ANKS1A: variants seen among roughly 807,000 people sequenced by gnomAD.
The protein encoded by ANKS1A is ankyrin repeat and SAM domain-containing protein 1A.
A neutral mutation model predicts 120.3 loss-of-function variants in ANKS1A; 55 were observed. The observed-to-expected ratio is 0.46, with a 90% CI of 0.37 to 0.57. The LOEUF is 0.57. Ranked by LOEUF, ANKS1A falls within the 20% of genes least tolerant of loss-of-function variation. ANKS1A has a pLI of 0.00. For missense variants in ANKS1A, 1,123 were observed against 1,480.3 expected (o/e 0.76, Z 3.96); for synonymous variants, 590 against 604.7 (o/e 0.98, Z 0.36).
intron 2 of ANKS1A, 68 bp from the exon 3 acceptor site, chr6:34,969,942 G>A: frequency 6.4e-7 from 1 of 1,561,554 alleles, no homozygotes; most frequent in South Asian, 1.2e-5. Flanking sequence ...TGCCATATAG[G>A]TGTAAAGAGC....
At chr6:35,016,289 C>T (rs1365643629) in intron 10 of ANKS1A, among the ~76,000 whole-genome samples, 1 of 152,144 alleles carries the variant, frequency 6.6e-6, no homozygotes, top group Non-Finnish European at 1.5e-5. Context: ...CCTTTTGGTT[C>T]TAAGATTCTC....
At chr6:35,059,983 A>T (rs1178814578) in intron 12 of ANKS1A, among the ~76,000 whole-genome samples, 164 bp from the exon 13 acceptor site, 1 of 152,166 alleles carries the variant, frequency 6.6e-6, no homozygotes, top group Non-Finnish European at 1.5e-5. Context: ...TGTACACAGA[A>T]GAGGAGCTGC....
intron 1 of ANKS1A, among the ~76,000 whole-genome samples, chr6:34,939,218 C>T (rs1363774211): frequency 6.6e-6 from 1 of 152,108 alleles, no homozygotes; most frequent in East Asian, 1.9e-4. Flanking sequence ...TTCTAGGAGC[C>T]CTTCCCTACA....
At chr6:34,922,188 CTTA>C (rs1768471439) in intron 1 of ANKS1A, among the ~76,000 whole-genome samples, 1 of 152,188 alleles carries the variant, frequency 6.6e-6, no homozygotes, top group Non-Finnish European at 1.5e-5. Context: ...TGCTTGTTCA[CTTA>C]TTATATTTTA....
At position 35,088,666 on chromosome 6, in the gene ANKS1A, A is replaced by G. The variant is rs2005; in HGVS notation, c.*57A>G. On this transcript the variant is annotated 3_prime_UTR_variant, in exon 24 of 24. Transcript: ENST00000360359. ...CATAGACGTGGGGGCATAGGCTCCC[A>G]CTGCCACCACCGCCATCGCCTCACC... 1,447,022 of 1,613,952 alleles carry G rather than the reference A, an allele frequency of 0.9. 650,376 individuals carry two copies. The highest frequency in any genetic ancestry group is 0.91 in the Admixed American group (54,728 of 60,020).
chr6:34,889,582 C>A lies in ANKS1A; in HGVS notation c.180C>A (p.Pro60=), dbSNP rs574085852. 1.5e-5 allele frequency: 19 copies of A among 1,299,182 alleles called. No individual in the cohort carries two copies. In the East Asian group the frequency reaches 5.5e-4, roughly 37 times the overall value. The allele number at this position is 1,299,182 out of a possible 1,614,324, so 80.5% of individuals were successfully genotyped here. Residue 60 remains proline, a synonymous_variant, in exon 1 of 24, where the codon CCC becomes CCA. Transcript: ENST00000360359. The surrounding 1 kb of genome is among the most constrained non-coding windows in gnomAD (Gnocchi z 5.5). ...GCGGCCTCGGCTCTTCCAGCCACCC[C>A]CTCTCCAGTCTGCTCAGGTGGGTAC... The part of the protein sequence containing the change: ...GGGGLGSSSH[P]LSSLLSMWRG...
chr6:35,079,789 G>C (rs1777569167), intron 15 of ANKS1A, 32 bp from the exon 16 acceptor site: 1 of 1,598,048 alleles, frequency 6.3e-7, no homozygotes, highest in African/African-American at 1.3e-5. Context: ...TTGGCCACCT[G>C]ACCTGTCACC....
chr6:34,910,392 C>G (rs1378455274), intron 1 of ANKS1A, among the ~76,000 whole-genome samples: 1 of 152,142 alleles, frequency 6.6e-6, no homozygotes, highest in Non-Finnish European at 1.5e-5. Flanking sequence ...CAGGGAGACC[C>G]TGTCTCTACA....
chr6:34,919,659 G>A (rs1029952795), intron 1 of ANKS1A, among the ~76,000 whole-genome samples: 4 of 152,154 alleles, frequency 2.6e-5, no homozygotes, highest in Non-Finnish European at 4.4e-5. Flanking sequence ...CTACTTGCTA[G>A]CAGTATGACC....
chr6:35,012,025 T>G (rs1773784692), intron 10 of ANKS1A, among the ~76,000 whole-genome samples: 1 of 152,210 alleles, frequency 6.6e-6, no homozygotes, highest in South Asian at 2.1e-4. Flanking sequence ...AAGCCTGTAC[T>G]TTTAACCATG....
chr6:34,965,258 A>T (rs1770835997), intron 1 of ANKS1A, among the ~76,000 whole-genome samples: 1 of 152,086 alleles, frequency 6.6e-6, no homozygotes, highest in Non-Finnish European at 1.5e-5. Context: ...TTGTCTTATT[A>T]CATAGCAATG....
intron 1 of ANKS1A, among the ~76,000 whole-genome samples, chr6:34,916,015 T>C: frequency 7.3e-6 from 1 of 136,264 alleles, no homozygotes; most frequent in African/African-American, 2.9e-5. Context: ...TTTTTGGAGA[T>C]GGAGTCTTGC....
chr6:35,047,714 G>A (rs1176248643), intron 11 of ANKS1A, among the ~76,000 whole-genome samples: 1 of 152,148 alleles, frequency 6.6e-6, no homozygotes, highest in Non-Finnish European at 1.5e-5. Context: ...TTGGAATCTA[G>A]GTCTCCCAAC....
intron 1 of ANKS1A, among the ~76,000 whole-genome samples, chr6:34,911,995 A>T (rs1366816465): frequency 6.6e-6 from 1 of 152,202 alleles, no homozygotes; most frequent in Non-Finnish European, 1.5e-5. Flanking sequence ...TTTCGCAATA[A>T]CACAAGTTCT....
At chr6:34,892,084 A>C (rs772096210) in intron 1 of ANKS1A, among the ~76,000 whole-genome samples, 4 of 152,344 alleles carry the variant, frequency 2.6e-5, no homozygotes, top group Non-Finnish European at 4.4e-5. Flanking sequence ...TGTCTCTGCC[A>C]TAAAGTGTGT....
chr6:34,967,037 C>T (rs1329992656), intron 1 of ANKS1A, among the ~76,000 whole-genome samples: 1 of 152,214 alleles, frequency 6.6e-6, no homozygotes, highest in Admixed American at 6.5e-5. Flanking sequence ...TGACTCTGTT[C>T]AGCAAACCAT....
chr6:35,003,975 C>A (rs892896267), intron 10 of ANKS1A, among the ~76,000 whole-genome samples: 2 of 152,214 alleles, frequency 1.3e-5, no homozygotes, highest in Non-Finnish European at 2.9e-5. Flanking sequence ...CCTGCCTGAC[C>A]TAAGCCTGGT....
intron 1 of ANKS1A, among the ~76,000 whole-genome samples, chr6:34,938,581 T>C (rs947228622): frequency 3.9e-5 from 6 of 152,284 alleles, no homozygotes; most frequent in African/African-American, 1.2e-4. Context: ...ATTTGAACTT[T>C]TACTTTTTAC....
At chr6:34,903,401 A>G (rs1301463220) in intron 1 of ANKS1A, among the ~76,000 whole-genome samples, 1 of 151,706 alleles carries the variant, frequency 6.6e-6, no homozygotes, top group East Asian at 1.9e-4. Flanking sequence ...GCTGGAGTGC[A>G]GTGGTGGGAT....
Sources: gnomAD v4.1 joint callset for allele counts (sites outside exome capture counted in the v4.1 genomes callset) on GRCh38, gnomAD v4.1.1 for gene constraint, Gnocchi (gnomAD v3.1) non-coding constraint, MANE v1.5 for transcripts, NCBI Gene and HGNC (gene_info 2026-07-23, HGNC 2026-07-21) for gene names.